The following PDE2A variants were observed in gnomAD, a reference collection of about 807,000 sequenced individuals.
PDE2A encodes the protein cGMP-dependent 3',5'-cyclic phosphodiesterase.
In PDE2A, 53 loss-of-function variants were observed where a neutral mutation model predicts 133.6. That is an observed-to-expected ratio of 0.40 (90% confidence interval 0.32 to 0.50). The LOEUF (loss-of-function observed/expected upper bound fraction) is 0.50. Ranked by LOEUF, PDE2A falls within the 20% of genes least tolerant of loss-of-function variation. The probability of loss-of-function intolerance (pLI) is 0.73; values close to 1 mark genes in which losing one functional copy is unlikely to be tolerated. For synonymous variants in PDE2A, 491 were observed against 490.2 expected, an observed-to-expected ratio of 1.00 and a Z score of -0.02; for missense variants, 796 against 1,232.4, an observed-to-expected ratio of 0.65 and a Z score of 5.30.
chr11:72,671,501 C>T (rs1354284938), intron 1 of PDE2A, among the ~76,000 whole-genome samples: 1 of 152,058 alleles, frequency 6.6e-6, no homozygotes, highest in Non-Finnish European at 1.5e-5. Flanking sequence ...CCCCCGCCCC[C>T]ACCCCCCACC....
rs762304983 is a variant in PDE2A, at chr11:72,673,476, C to T, written c.71+661G>A. Among the ~76,000 whole-genome samples, 11 of 152,204 alleles carry T rather than the reference C, an allele frequency of 7.2e-5. No individual in the cohort carries two copies. The South Asian group carries it at 1.0e-3, about 14-fold the overall frequency. On this transcript the variant is annotated intron_variant, in intron 1 of 30. Transcript: ENST00000334456. Reference sequence around the variant, plus strand: ...AGAGGGGTGTCGCCACGGCGCCCCCCACTCACTTGCACATGCACCCCCCTG... The same window carrying T: ...AGAGGGGTGTCGCCACGGCGCCCCCTACTCACTTGCACATGCACCCCCCTG...
At chr11:72,648,281 C>A (rs1859183800) in intron 1 of PDE2A, among the ~76,000 whole-genome samples, 4 of 152,184 alleles carry the variant, frequency 2.6e-5, no homozygotes, top group Admixed American at 2.6e-4. Flanking sequence ...GCCTCCTCCA[C>A]CTCAGCACCT....
intron 1 of PDE2A, among the ~76,000 whole-genome samples, chr11:72,672,406 A>G (rs1855405442): frequency 6.6e-6 from 1 of 152,150 alleles, no homozygotes; most frequent in African/African-American, 2.4e-5. Flanking sequence ...GTCTCGTCTC[A>G]AACTCCTGGC....
intron 2 of PDE2A, among the ~76,000 whole-genome samples, chr11:72,623,718 C>G (rs957495327): frequency 1.1e-4 from 17 of 152,192 alleles, no homozygotes; most frequent in Admixed American, 1.0e-3. Flanking sequence ...AAGCCAGAAC[C>G]CTGGAAATTG....
At position 72,660,845 on chromosome 11, in the gene PDE2A, GGTGA is replaced by G. The variant is rs766025883; in HGVS notation, c.71+13288_71+13291del. 3.8e-4 allele frequency among the ~76,000 whole-genome samples: 58 copies of G among 152,100 alleles called. No individual in the cohort carries two copies. The South Asian group carries it at 5.4e-3, about 14-fold the overall frequency. On this transcript the variant is annotated intron_variant, in intron 1 of 30. Transcript: ENST00000334456. ...GGGTAGGGCACAGCCAAGCAGAGAA[GGTGA>G]GTGAGTATGTGTGAGCTCCGAGAGG...
At chr11:72,638,886 C>T (rs1858826772) in intron 2 of PDE2A, among the ~76,000 whole-genome samples, 1 of 152,222 alleles carries the variant, frequency 6.6e-6, no homozygotes, top group Admixed American at 6.5e-5. Flanking sequence ...TGGGGAATGG[C>T]CAGCAAGATC....
At chr11:72,626,383 C>A (rs534891549) in intron 2 of PDE2A, among the ~76,000 whole-genome samples, 4 of 152,204 alleles carry the variant, frequency 2.6e-5, no homozygotes, top group Non-Finnish European at 5.9e-5. Flanking sequence ...GGCCTCAGGA[C>A]CCCCATGGAT....
At chr11:72,649,929 T>C (rs1179292829) in intron 1 of PDE2A, among the ~76,000 whole-genome samples, 1 of 152,056 alleles carries the variant, frequency 6.6e-6, no homozygotes, top group Non-Finnish European at 1.5e-5. Flanking sequence ...AAGGAGCTCT[T>C]GCTTCTCAGC....
intron 13 of PDE2A, among the ~76,000 whole-genome samples, chr11:72,588,302 C>G (rs181946882): frequency 1.3e-5 from 2 of 152,216 alleles, no homozygotes; most frequent in African/African-American, 4.8e-5. Context: ...AGCCTCCAAG[C>G]CTGCTTTCCT....
chr11:72,604,408 C>T (rs1256637661), intron 4 of PDE2A, among the ~76,000 whole-genome samples: 1 of 152,168 alleles, frequency 6.6e-6, no homozygotes, highest in Non-Finnish European at 1.5e-5. Context: ...ATCAAGGTAT[C>T]AGGGGGCCAA....
intron 1 of PDE2A, chr11:72,669,100 C>G (rs74664931): frequency 2.9e-6 from 1 of 341,938 alleles, no homozygotes; most frequent in East Asian, 1.6e-4. Context: ...ATTATCTCCA[C>G]CCCACTATTC....
chr11:72,634,862 C>G (rs1474460862), intron 2 of PDE2A, among the ~76,000 whole-genome samples: 1 of 152,240 alleles, frequency 6.6e-6, no homozygotes, highest in Admixed American at 6.5e-5. Context: ...TGATGGGACC[C>G]CACTGGCTGT....
intron 1 of PDE2A, among the ~76,000 whole-genome samples, chr11:72,643,909 C>T (rs1406884961): frequency 4.6e-5 from 7 of 152,210 alleles, no homozygotes; most frequent in Non-Finnish European, 1.0e-4. Flanking sequence ...CTCCCTACCA[C>T]CAGCACAATA....
intron 1 of PDE2A, among the ~76,000 whole-genome samples, chr11:72,671,458 G>C (rs1855382629): frequency 6.6e-6 from 1 of 152,146 alleles, no homozygotes; most frequent in Non-Finnish European, 1.5e-5. Context: ...TTAAGACCAA[G>C]GGGTAAAGGA....
intron 2 of PDE2A, among the ~76,000 whole-genome samples, chr11:72,613,399 GT>G (rs1408656593): frequency 6.6e-6 from 1 of 151,722 alleles, no homozygotes; most frequent in East Asian, 1.9e-4. Context: ...GTCCCCTTCT[GT>G]AAAGGGAAGG....
At chr11:72,581,535 C>T in intron 22 of PDE2A, 56 bp from the exon 23 acceptor site, 7 of 1,532,710 alleles carry the variant, frequency 4.6e-6, no homozygotes, top group Non-Finnish European at 6.2e-6. Flanking sequence ...TCCATCACGG[C>T]CCCATGATGG....
rs1305696803 is a variant in PDE2A at position 72,590,463 on chromosome 11, A to G, written c.667T>C (p.Tyr223His). Reference protein sequence around the residue: ...TAEDQKGGAAYTDRDRKILQL... With the variant: ...TAEDQKGGAAHTDRDRKILQL... ...AGGATCTTGCGGTCGCGGTCGGTGT[A>G]CGCCGCCCCGCCCTTCTGGTCTTCC... The change falls in exon 8 of 31, where the codon TAC becomes CAC. Residue 223 changes from tyrosine to histidine, a missense_variant. Coordinates refer to ENST00000334456, the MANE Select transcript of PDE2A (RefSeq NM_002599.5). This position sits in a 1 kb window ranked among gnomAD's most constrained non-coding sequence, Gnocchi z 4.8. The G allele has an allele frequency of 6.5e-7, 1 of 1,543,382 alleles. No homozygotes were observed. Among genetic ancestry groups the G allele is most frequent in the Non-Finnish European group, 8.7e-7 (1 of 1,147,250 alleles).
chr11:72,585,487 G>C (rs1163329929), intron 15 of PDE2A, 53 bp from the exon 16 acceptor site: 3 of 1,609,494 alleles, frequency 1.9e-6, no homozygotes, highest in Non-Finnish European at 1.7e-6. Context: ...AAGACCTCCC[G>C]CCTCTCCTCT....
rs1855503116 is a variant in PDE2A, at chr11:72,577,107, T to G, written c.*277A>C. Reference sequence around the variant, plus strand: ...GACAAAGAATGGCTTGGGAAAGACTTGCCAAGGTGTGGTCAGAGGTGCAGA... The same window carrying G: ...GACAAAGAATGGCTTGGGAAAGACTGGCCAAGGTGTGGTCAGAGGTGCAGA... On this transcript the variant is annotated 3_prime_UTR_variant, in exon 31 of 31. Transcript: ENST00000334456. 2.6e-6 allele frequency: 1 copy of G among 384,286 alleles called. No individual in the cohort carries two copies. The highest frequency in any genetic ancestry group is 4.7e-6 in the Non-Finnish European group (1 of 213,210). The allele number at this position is 384,286 out of a possible 1,614,324, so 23.8% of individuals were successfully genotyped here. A position where few individuals can be genotyped will look rare whatever the true frequency, so the allele number is the denominator to read the frequency against.
Sources: allele counts gnomAD v4.1 joint callset (sites outside exome capture counted in the v4.1 genomes callset), GRCh38; gene constraint gnomAD v4.1.1; non-coding constraint Gnocchi (gnomAD v3.1); transcripts MANE v1.5; gene names NCBI Gene and HGNC (gene_info 2026-07-23, HGNC 2026-07-21).